The following NTM variants were observed in gnomAD, a reference collection of about 807,000 sequenced individuals.
NTM encodes neurotrimin.
A neutral mutation model predicts 42.1 loss-of-function variants in NTM; 13 were observed. The ratio of observed to expected loss-of-function variants is 0.31; its 90% CI spans 0.20 to 0.49. The LOEUF is 0.49. NTM is among the 20% of genes least tolerant of loss of function. The pLI is 0.99. For missense variants in NTM, 373 were observed against 452.8 expected (o/e 0.82, Z 1.60); for synonymous variants, 187 against 179.2 (o/e 1.04, Z -0.35).
chr11:132,100,387 A>G (rs2061488959), intron 2 of NTM, among the ~76,000 whole-genome samples: 1 of 152,228 alleles, frequency 6.6e-6, no homozygotes, highest in African/African-American at 2.4e-5. Flanking sequence ...GACTGTGGGC[A>G]GGCGGATCAT....
chr11:131,731,295 T>G (rs780729598), intron 1 of NTM, among the ~76,000 whole-genome samples: 4 of 152,316 alleles, frequency 2.6e-5, no homozygotes, highest in South Asian at 2.1e-4. Flanking sequence ...TTTCTTTAGA[T>G]CTAACATATG....
intron 2 of NTM, among the ~76,000 whole-genome samples, chr11:132,140,116 T>A (rs1005738817): frequency 1.9e-4 from 29 of 152,226 alleles, no homozygotes; most frequent in African/African-American, 7.0e-4. Context: ...TGCAGGTGAT[T>A]TAAATGAAAC....
At chr11:131,918,639 G>T (rs1448462693) in intron 2 of NTM, among the ~76,000 whole-genome samples, 1 of 152,166 alleles carries the variant, frequency 6.6e-6, no homozygotes, top group Non-Finnish European at 1.5e-5. Context: ...CGGTTCCATA[G>T]TACTGGTCTT....
rs1565550725 is a variant in NTM at position 131,789,485 on chromosome 11, AAGAAGAGGAAAGAAGAAGAAGAAG to A, written c.83-122077_83-122054del. Reference sequence around the variant, plus strand: ...GAAGAAGAAGAAGAAGAAGAAGAAGAAGAAGAGGAAAGAAGAAGAAGAAGAAGAAGAAGAAGAAGAAGAAGAAGA... The same window carrying A: ...GAAGAAGAAGAAGAAGAAGAAGAAGAAAGAAGAAGAAGAAGAAGAAGAAGA... On this transcript the variant is annotated intron_variant, in intron 1 of 8. Coordinates refer to ENST00000683400, the MANE Select transcript of NTM (RefSeq NM_001352005.2). 5.0e-4 allele frequency among the ~76,000 whole-genome samples: 5 copies of A among 10,072 alleles called. 2 individuals are homozygous for A. Among genetic ancestry groups the A allele is most frequent in the Non-Finnish European group, 7.8e-4 (4 of 5,132 alleles). 6.6% of individuals were successfully genotyped at this position (10,072 alleles called of 152,430 possible). A position where few individuals can be genotyped will look rare whatever the true frequency, so the allele number is the denominator to read the frequency against.
chr11:131,891,689 T>G (rs1211485969), intron 1 of NTM, among the ~76,000 whole-genome samples: 1 of 152,168 alleles, frequency 6.6e-6, no homozygotes, highest in Non-Finnish European at 1.5e-5. Context: ...AGCCTGGCAG[T>G]GTCTATAAAT....
At position 132,020,146 on chromosome 11, in the gene NTM, T is replaced by C. The variant is rs1206880767; in HGVS notation, c.167+108498T>C. ...GCAATGGCTTCCAACTGCATCTATG[T>C]TGCTGCAAAGGATATGATTGCCTTC... On this transcript the variant is annotated intron_variant, in intron 2 of 8. Transcript: ENST00000683400. Among the ~76,000 whole-genome samples, 3 of 152,174 alleles carry C rather than the reference T, an allele frequency of 2.0e-5. No homozygotes were observed. The East Asian group carries it at 5.8e-4, about 29-fold the overall frequency.
chr11:131,456,986 G>T (rs1354706691), intron 1 of NTM, among the ~76,000 whole-genome samples: 1 of 152,144 alleles, frequency 6.6e-6, no homozygotes, highest in East Asian at 1.9e-4. Flanking sequence ...CATATAAGAT[G>T]CTTCAGTGTG....
chr11:131,920,696 A>G (rs2057093950), intron 2 of NTM, among the ~76,000 whole-genome samples: 1 of 152,126 alleles, frequency 6.6e-6, no homozygotes, highest in Non-Finnish European at 1.5e-5. Context: ...GGGGGGTTAG[A>G]TTTGTCTTAT....
At chr11:131,522,293 C>G (rs916474583) in intron 1 of NTM, among the ~76,000 whole-genome samples, 2 of 151,778 alleles carry the variant, frequency 1.3e-5, no homozygotes, top group African/African-American at 2.4e-5. Context: ...GCCCTGTACG[C>G]TCTCAGTTGG....
chr11:131,800,037 G>A (rs968132370), intron 1 of NTM, among the ~76,000 whole-genome samples: 1 of 152,156 alleles, frequency 6.6e-6, no homozygotes, highest in East Asian at 1.9e-4. Flanking sequence ...AAAGCACCTG[G>A]TGTGGTTCTC....
intron 1 of NTM, among the ~76,000 whole-genome samples, chr11:131,740,241 G>C (rs967528170): frequency 1.3e-5 from 2 of 152,130 alleles, no homozygotes; most frequent in African/African-American, 4.8e-5. Context: ...AGAGCTGCCG[G>C]CATCCATGTG....
chr11:131,738,941 A>T (rs895986238), intron 1 of NTM, among the ~76,000 whole-genome samples: 2 of 152,134 alleles, frequency 1.3e-5, no homozygotes, highest in African/African-American at 4.8e-5. Flanking sequence ...CCAGAATGAG[A>T]TTCTATGGTC....
intron 1 of NTM, among the ~76,000 whole-genome samples, chr11:131,817,809 G>A (rs957114196): frequency 1.3e-5 from 2 of 152,250 alleles, no homozygotes; most frequent in Admixed American, 1.3e-4. Flanking sequence ...GCCCTTGCGG[G>A]CACTGACTAG....
chr11:131,465,461 A>C (rs1951795676), intron 1 of NTM, among the ~76,000 whole-genome samples: 1 of 152,110 alleles, frequency 6.6e-6, no homozygotes, highest in South Asian at 2.1e-4. Context: ...TCCATGGCCC[A>C]CTGGGAGAAG....
At chr11:132,081,931 T>C (rs60659237) in intron 2 of NTM, among the ~76,000 whole-genome samples, 37,100 of 146,254 alleles carry the variant, frequency 0.25, 4,934 homozygotes, top group African/African-American at 0.33. Flanking sequence ...CACACACACA[T>C]ATTCATATAT....
chr11:131,741,276 G>A (rs564016342), intron 1 of NTM, among the ~76,000 whole-genome samples: 12 of 152,260 alleles, frequency 7.9e-5, no homozygotes, highest in African/African-American at 2.6e-4. Context: ...CCCAGAAGGG[G>A]CTGGGTTTGG....
chr11:131,448,571 C>T (rs1298487729), intron 1 of NTM, among the ~76,000 whole-genome samples: 1 of 152,270 alleles, frequency 6.6e-6, no homozygotes, highest in Non-Finnish European at 1.5e-5. Context: ...CCAGCAGAGG[C>T]TGCCTCACTT....
chr11:132,194,779 C>CA (rs1287576735), intron 3 of NTM, among the ~76,000 whole-genome samples: 1 of 143,850 alleles, frequency 7.0e-6, no homozygotes, highest in Non-Finnish European at 1.5e-5. Flanking sequence ...TTTCAGGATA[C>CA]AAAATCAATG....
intron 4 of NTM, among the ~76,000 whole-genome samples, chr11:132,259,644 C>A (rs1422492497): frequency 6.6e-6 from 1 of 152,112 alleles, no homozygotes; most frequent in Non-Finnish European, 1.5e-5. Context: ...TGCGCCACTG[C>A]ACTCCAGCCT....
Sources: gnomAD v4.1 joint callset for allele counts (sites outside exome capture counted in the v4.1 genomes callset) on GRCh38, gnomAD v4.1.1 for gene constraint, MANE v1.5 for transcripts, NCBI Gene and HGNC (gene_info 2026-07-23, HGNC 2026-07-21) for gene names.